Variants in MAPK1IP1L observed in about 807,000 individuals in gnomAD.
MAPK1IP1L encodes the protein mitogen-activated protein kinase 1 interacting protein 1 like.
MAPK1IP1L carries 10 observed loss-of-function variants against 18.1 expected under a neutral mutation model. The observed-to-expected ratio is 0.55, with a 90% CI of 0.34 to 0.94. The LOEUF is 0.94. Ranked by LOEUF, MAPK1IP1L falls within the 40% of genes least tolerant of loss-of-function variation. The probability of loss-of-function intolerance (pLI) is 0.02; values close to 1 mark genes in which losing one functional copy is unlikely to be tolerated. For synonymous variants in MAPK1IP1L, 115 were observed against 117.3 expected (o/e 0.98, Z 0.13); for missense variants, 260 against 318.2 (o/e 0.82, Z 1.39).
chr14:55,052,394 A>C (rs1345275198), intron 1 of MAPK1IP1L, among the ~76,000 whole-genome samples: 1 of 152,234 alleles, frequency 6.6e-6, no homozygotes, highest in African/African-American at 2.4e-5. Flanking sequence ...GCTCACGGAT[A>C]CATTAGATGA....
At chr14:55,055,463 T>C (rs2042763932) in intron 1 of MAPK1IP1L, among the ~76,000 whole-genome samples, 3 of 152,174 alleles carry the variant, frequency 2.0e-5, no homozygotes. Context: ...TCCCTGAAAC[T>C]GAAGTCTGTA....
chr14:55,051,675 G>A lies in MAPK1IP1L; in HGVS notation c.-133G>A. ...TCCTGTTCCGGCGCCAGGAGGAGCC[G>A]CGCGCTGCTGGTGCTGTTGCCGCCG... On this transcript the variant is annotated 5_prime_UTR_variant, in exon 1 of 4. Coordinates refer to ENST00000395468, the MANE Select transcript of MAPK1IP1L (RefSeq NM_144578.4). 1.9e-6 allele frequency: 1 copy of A among 514,928 alleles called. No individual in the cohort carries two copies. The highest frequency in any genetic ancestry group is 3.9e-6 in the Non-Finnish European group (1 of 258,962). The allele number at this position is 514,928 out of a possible 1,614,324, so 31.9% of individuals were successfully genotyped here.
intron 1 of MAPK1IP1L, among the ~76,000 whole-genome samples, chr14:55,056,434 C>T (rs150685922): frequency 6.6e-6 from 1 of 152,306 alleles, no homozygotes; most frequent in Non-Finnish European, 1.5e-5. Context: ...ATTTTCTACA[C>T]TGTTAGTCCT....
intron 3 of MAPK1IP1L, among the ~76,000 whole-genome samples, chr14:55,064,092 C>G (rs1322936019): frequency 7.3e-6 from 1 of 136,164 alleles, no homozygotes; most frequent in African/African-American, 2.8e-5. Flanking sequence ...GCTGCAATCT[C>G]TACCTCTCAG....
chr14:55,060,981 A>T (rs544723888), intron 1 of MAPK1IP1L, among the ~76,000 whole-genome samples: 2 of 152,060 alleles, frequency 1.3e-5, no homozygotes, highest in South Asian at 4.1e-4. Flanking sequence ...TCTGCAATAA[A>T]TTTTTAAAAT....
intron 1 of MAPK1IP1L, chr14:55,060,584 T>C (rs1236705565): frequency 6.6e-6 from 1 of 152,232 alleles, no homozygotes; most frequent in Non-Finnish European, 1.5e-5. Context: ...AAAGAGTACC[T>C]ACAGTCTTTT....
At chr14:55,064,407 C>G (rs2042846077) in intron 3 of MAPK1IP1L, among the ~76,000 whole-genome samples, 1 of 152,094 alleles carries the variant, frequency 6.6e-6, no homozygotes, top group Non-Finnish European at 1.5e-5. Flanking sequence ...TTAAAGTACC[C>G]CTAAAACTTC....
intron 1 of MAPK1IP1L, among the ~76,000 whole-genome samples, chr14:55,058,143 G>A (rs532687653): frequency 3.9e-5 from 6 of 152,254 alleles, no homozygotes; most frequent in East Asian, 3.9e-4. Flanking sequence ...ACTGGGCCGC[G>A]TAGACACATC....
chr14:55,056,549 A>G (rs1249846062), intron 1 of MAPK1IP1L, among the ~76,000 whole-genome samples: 1 of 152,090 alleles, frequency 6.6e-6, no homozygotes, highest in Non-Finnish European at 1.5e-5. Flanking sequence ...TTGCACTGTC[A>G]CCCAGGCTGG....
chr14:55,059,372 C>T (rs923739261), intron 1 of MAPK1IP1L, among the ~76,000 whole-genome samples: 3 of 152,186 alleles, frequency 2.0e-5, no homozygotes, highest in Admixed American at 2.0e-4. Context: ...TATCTCACGC[C>T]TGTAATCCCA....
Position 55,067,422 on chromosome 14 carries a change from T to C in MAPK1IP1L, c.*2795T>C, listed in dbSNP as rs1402045107. Reference sequence around the variant, plus strand: ...AAGGCTTTTTTCCTTTTTTCTTTTTTTTTTGGAGACAGAGTCTTGCCCTGT... The same window carrying C: ...AAGGCTTTTTTCCTTTTTTCTTTTTCTTTTGGAGACAGAGTCTTGCCCTGT... On this transcript the variant is annotated 3_prime_UTR_variant, in exon 4 of 4. Coordinates refer to ENST00000395468, the MANE Select transcript of MAPK1IP1L (RefSeq NM_144578.4). 1 of 152,014 alleles carries C rather than the reference T, an allele frequency of 6.6e-6. No homozygotes were observed. The highest frequency in any genetic ancestry group is 1.5e-5 in the Non-Finnish European group (1 of 68,004). 9.4% of individuals were successfully genotyped at this position (152,014 alleles called of 1,614,324 possible). A position where few individuals can be genotyped will look rare whatever the true frequency, so the allele number is the denominator to read the frequency against.
rs1459163314 is a variant in MAPK1IP1L at position 55,068,354 on chromosome 14, C to G, written c.*3727C>G. 6.6e-6 allele frequency: 1 copy of G among 152,624 alleles called. No homozygotes were observed. The highest frequency in any genetic ancestry group is 1.5e-5 in the Non-Finnish European group (1 of 68,026). 9.5% of individuals were successfully genotyped at this position (152,624 alleles called of 1,614,324 possible). The stretch of plus-strand genomic sequence containing the variant: ...TAATTAGTGCTACCTGGGGTACTCT[C>G]AAATATACAGCTTTTGAAACTGTAG... On this transcript the variant is annotated 3_prime_UTR_variant, in exon 4 of 4. Coordinates refer to ENST00000395468, the MANE Select transcript of MAPK1IP1L (RefSeq NM_144578.4).
rs2042890876 is a variant in MAPK1IP1L at position 55,069,636 on chromosome 14, A to G, written c.*5009A>G. 1 of 152,292 alleles carries G rather than the reference A, an allele frequency of 6.6e-6. No homozygotes were observed. Among genetic ancestry groups the G allele is most frequent in the Non-Finnish European group, 1.5e-5 (1 of 68,036 alleles). The allele number at this position is 152,292 out of a possible 1,614,324, so 9.4% of individuals were successfully genotyped here. ...TAATTAACTGTAAATTTGTTGTCAA[A>G]AAGGAAGAAAAAAGGGCCTGAGATA... On this transcript the variant is annotated 3_prime_UTR_variant, in exon 4 of 4. Transcript: ENST00000395468.
intron 1 of MAPK1IP1L, among the ~76,000 whole-genome samples, chr14:55,056,409 T>A (rs2042771489): frequency 6.6e-6 from 1 of 152,222 alleles, no homozygotes; most frequent in Non-Finnish European, 1.5e-5. Context: ...ATGTTAGCCT[T>A]ACAACTTACC....
At position 55,063,264 on chromosome 14, in the gene MAPK1IP1L, G is replaced by A. The variant is rs1566764303; in HGVS notation, c.665G>A (p.Ser222Asn). 3.7e-6 allele frequency: 6 copies of A among 1,614,092 alleles called. No homozygotes were observed. The highest frequency in any genetic ancestry group is 5.1e-6 in the Non-Finnish European group (6 of 1,180,006). The change falls in exon 3 of 4, where the codon AGT becomes AAT. Residue 222 changes from serine to asparagine, a missense_variant. Ser to Asn is a conservative substitution (Grantham distance 46). Coordinates refer to ENST00000395468, the MANE Select transcript of MAPK1IP1L (RefSeq NM_144578.4). ...ACACCAGGACTCTATCCTACTCCCA[G>A]TAATCCTTTCCAAGTGCCTTCAGGA... is the stretch of plus-strand genomic sequence containing the variant. ...YPTPGLYPTP[S>N]NPFQVPSGPS... is the part of the protein sequence containing the mutation.
chr14:55,053,791 CA>C (rs1255548141), intron 1 of MAPK1IP1L, among the ~76,000 whole-genome samples: 1 of 152,164 alleles, frequency 6.6e-6, no homozygotes, highest in Admixed American at 6.5e-5. Flanking sequence ...TTATGGACTG[CA>C]AAAGACAGCA....
chr14:55,059,584 A>C (rs770874842), intron 1 of MAPK1IP1L, among the ~76,000 whole-genome samples: 2 of 152,236 alleles, frequency 1.3e-5, no homozygotes, highest in African/African-American at 2.4e-5. Flanking sequence ...CAAAAAGAAA[A>C]GAATAAAGTC....
rs756866352 is a variant in MAPK1IP1L, at chr14:55,063,134, C to A, written c.535C>A (p.Pro179Thr). ...TCCAGGCCCATATCCCGCTCCTCCT[C>A]CTCCCCAAGCCCCTGGGGCAGCACC... ...PSPGPYPAPP[P>T]PQAPGAAPPV... is the part of the protein sequence containing the mutation. The change falls in exon 3 of 4, where the codon CCT (proline) becomes ACT (threonine). Residue 179 changes from proline (P) to threonine (T), a missense_variant. Physicochemically the swap from Pro to Thr is conservative, Grantham distance 38. Transcript: ENST00000395468. The A allele has an allele frequency of 3.1e-6, 5 of 1,613,844 alleles. No homozygotes were observed. The highest frequency in any genetic ancestry group is 1.1e-5 in the South Asian group (1 of 91,066).
At position 55,062,692 on chromosome 14, in the gene MAPK1IP1L, T is replaced by C; in HGVS notation, c.93T>C (p.Pro31=). The C allele has an allele frequency of 6.2e-7, 1 of 1,614,110 alleles. No homozygotes were observed. Among genetic ancestry groups the C allele is most frequent in the Non-Finnish European group, 8.5e-7 (1 of 1,180,002 alleles). ...GCAATACAAAACCTGGCCAACCTCC[T>C]CAAGGCTGGCCAGGCTCCAACCCTT... The part of the protein sequence containing the change: ...AVSNTKPGQP[P]QGWPGSNPWN... The change falls in exon 3 of 4, where the codon CCT becomes CCC. Residue 31 remains proline (P), a synonymous_variant. Transcript: ENST00000395468.
Sources: allele counts gnomAD v4.1 joint callset (sites outside exome capture counted in the v4.1 genomes callset), GRCh38; gene constraint gnomAD v4.1.1; transcripts MANE v1.5; gene names NCBI Gene and HGNC (gene_info 2026-07-23, HGNC 2026-07-21).